RERE: variants seen among roughly 807,000 people sequenced by gnomAD.
RERE encodes the protein arginine-glutamic acid dipeptide repeats.
In RERE, 40 loss-of-function variants were observed where a neutral mutation model predicts 146.1. The ratio of observed to expected loss-of-function variants is 0.27; its 90% CI spans 0.21 to 0.36. The LOEUF (loss-of-function observed/expected upper bound fraction) is 0.36. Among genes scored for constraint, RERE ranks in the 10% least tolerant of loss-of-function variants. The pLI, the probability that RERE is intolerant of heterozygous loss-of-function variation, is 1.00. For synonymous variants in RERE, 1,003 were observed against 866.0 expected (o/e 1.16, Z -2.78); for missense variants, 1,933 against 2,138.7 (o/e 0.90, Z 1.90).
intron 1 of RERE, among the ~76,000 whole-genome samples, chr1:8,660,072 ATAAT>A (rs778299018): frequency 1.5e-4 from 23 of 151,834 alleles, no homozygotes; most frequent in South Asian, 8.3e-4. Flanking sequence ...AATTATATGA[ATAAT>A]TAATACCATA....
intron 12 of RERE, among the ~76,000 whole-genome samples, chr1:8,377,624 A>T (rs1642301324): frequency 6.6e-6 from 1 of 152,096 alleles, no homozygotes; most frequent in Non-Finnish European, 1.5e-5. Context: ...AAACTGTTAA[A>T]ACTACCATTC....
chr1:8,613,505 AC>A (rs1646815906), intron 4 of RERE, among the ~76,000 whole-genome samples: 1 of 151,940 alleles, frequency 6.6e-6, no homozygotes, highest in Admixed American at 6.6e-5. Context: ...GCTCCTCAAA[AC>A]CTACCCACCC....
At position 8,487,073 on chromosome 1, in the gene RERE, A is replaced by T. The variant is rs142754642; in HGVS notation, c.1104+7990T>A. ...TTATTAGCAAATTGAATCCAATAGTACGTAGTGACCAAGCAGGATTCATCC... is the reference window on the plus strand; with the variant it reads ...TTATTAGCAAATTGAATCCAATAGTTCGTAGTGACCAAGCAGGATTCATCC... On this transcript the variant is annotated intron_variant, in intron 10 of 22. Coordinates refer to ENST00000400908, the MANE Select transcript of RERE (RefSeq NM_001042681.2). Among the ~76,000 whole-genome samples, 799 of 152,326 alleles carry T rather than the reference A, an allele frequency of 5.2e-3. 8 individuals carry two copies. The highest frequency in any genetic ancestry group is 0.018 in the African/African-American group (768 of 41,570).
chr1:8,371,688 G>GT (rs1274339711), intron 12 of RERE, among the ~76,000 whole-genome samples: 2 of 152,172 alleles, frequency 1.3e-5, no homozygotes, highest in Admixed American at 1.3e-4. Flanking sequence ...CAGACACAAC[G>GT]TAAGACATCA....
At chr1:8,621,683 G>A (rs1646917296) in intron 3 of RERE, among the ~76,000 whole-genome samples, 1 of 152,142 alleles carries the variant, frequency 6.6e-6, no homozygotes, top group Non-Finnish European at 1.5e-5. Flanking sequence ...AAGCCATCGG[G>A]TTTTTGTTTC....
At chr1:8,624,478 C>T (rs1471843003) in intron 2 of RERE, 98 bp from the exon 3 acceptor site, 4 of 732,246 alleles carry the variant, frequency 5.5e-6, no homozygotes, top group African/African-American at 1.8e-5. Flanking sequence ...AATGACAAAG[C>T]ACATATCTTT....
chr1:8,361,311 C>A lies in RERE; in HGVS notation c.2196G>T (p.Gln732His), dbSNP rs1265597841. 1.2e-6 allele frequency: 2 copies of A among 1,610,806 alleles called. No homozygotes were observed. Among genetic ancestry groups the A allele is most frequent in the Non-Finnish European group, 1.7e-6 (2 of 1,178,204 alleles). ...AGGCTGGGGGCTGGGCCTGCAGCAT[C>A]TGCTGCTGGGCTGACGAGTCCGAGT... ...ESDSDSSAQQQMLQAQPPALQ... is the reference protein window; with the variant it reads ...ESDSDSSAQQHMLQAQPPALQ... The change falls in exon 18 of 23, where the codon CAG (glutamine) becomes CAT (histidine). Residue 732 changes from glutamine to histidine, a missense_variant. Gln to His is a conservative substitution (Grantham distance 24). This residue lies in a region of RERE where 1,255 missense variants were observed against 1,153.8 expected (regional missense o/e 1.09). Transcript: ENST00000400908.
intron 2 of RERE, among the ~76,000 whole-genome samples, chr1:8,641,517 T>A (rs1647176527): frequency 1.3e-5 from 2 of 152,208 alleles, no homozygotes. Flanking sequence ...AATATAAATC[T>A]TGTTGCACTG....
intron 18 of RERE, 50 bp downstream of exon 18, chr1:8,360,062 C>T (rs1280923683): frequency 6.3e-7 from 1 of 1,585,370 alleles, no homozygotes; most frequent in African/African-American, 1.3e-5. Context: ...AGAACTTGCC[C>T]CCACCAGCCC....
At chr1:8,757,741 A>G (rs1047449436) in intron 1 of RERE, among the ~76,000 whole-genome samples, 3 of 152,172 alleles carry the variant, frequency 2.0e-5, no homozygotes, top group Non-Finnish European at 4.4e-5. Flanking sequence ...AAAGCCAAAC[A>G]TTCAAAGTCT....
At chr1:8,575,080 G>A (rs553158429) in intron 4 of RERE, among the ~76,000 whole-genome samples, 43 of 152,322 alleles carry the variant, frequency 2.8e-4, no homozygotes, top group Non-Finnish European at 5.6e-4. Context: ...TGTTGCCTCT[G>A]AGGAGGAGAA....
chr1:8,531,536 T>C (rs538664601), intron 7 of RERE, among the ~76,000 whole-genome samples: 1 of 152,230 alleles, frequency 6.6e-6, no homozygotes, highest in Non-Finnish European at 1.5e-5. Flanking sequence ...TGGTGAAAAT[T>C]ATACTTTATT....
intron 11 of RERE, among the ~76,000 whole-genome samples, chr1:8,455,236 TTTA>T (rs1452004623): frequency 5.3e-5 from 8 of 152,154 alleles, no homozygotes; most frequent in Admixed American, 5.2e-4. Flanking sequence ...GATTCCTTTT[TTTA>T]TTATTATTTT....
intron 1 of RERE, among the ~76,000 whole-genome samples, chr1:8,718,929 G>A (rs746037145): frequency 1.2e-4 from 19 of 152,256 alleles, no homozygotes; most frequent in South Asian, 2.1e-4. Flanking sequence ...ACCATTAACC[G>A]TGTCATCTTG....
chr1:8,375,520 A>ACTCAGCAGCCACTGAAAATGCTTCCTCG (rs1557597249), intron 12 of RERE, among the ~76,000 whole-genome samples: 6 of 106,074 alleles, frequency 5.7e-5, no homozygotes, highest in Admixed American at 2.2e-4. Flanking sequence ...ATGCTTCCTC[A>ACTCAGCAGCCACTGAAAATGCTTCCTCG]CTCAGCAGCC....
intron 1 of RERE, among the ~76,000 whole-genome samples, chr1:8,728,689 GATGCT>G (rs1640021178): frequency 6.6e-6 from 1 of 152,094 alleles, no homozygotes; most frequent in Admixed American, 6.6e-5. Flanking sequence ...CTAAAACTAA[GATGCT>G]ATGCTCCATA....
chr1:8,498,971 G>T (rs1456841815), intron 8 of RERE, among the ~76,000 whole-genome samples: 2 of 151,838 alleles, frequency 1.3e-5, no homozygotes, highest in Non-Finnish European at 2.9e-5. Flanking sequence ...TCAATAAAAA[G>T]AATTTAAAAA....
At chr1:8,603,619 A>T (rs952938460) in intron 4 of RERE, among the ~76,000 whole-genome samples, 1 of 152,354 alleles carries the variant, frequency 6.6e-6, no homozygotes, top group Non-Finnish European at 1.5e-5. Context: ...ATAAGCACAC[A>T]AATTATACCT....
At chr1:8,418,744 A>T (rs1017254198) in intron 12 of RERE, among the ~76,000 whole-genome samples, 10 of 152,256 alleles carry the variant, frequency 6.6e-5, no homozygotes, top group African/African-American at 2.2e-4. Context: ...TTTTTGGATC[A>T]TCCACGATTT....
Sources: allele counts gnomAD v4.1 joint callset (sites outside exome capture counted in the v4.1 genomes callset), GRCh38; gene constraint gnomAD v4.1.1; regional missense constraint gnomAD v4.1.1; transcripts MANE v1.5; gene names NCBI Gene and HGNC (gene_info 2026-07-23, HGNC 2026-07-21).